The following CDH13 variants were observed in gnomAD, a reference collection of about 807,000 sequenced individuals.
CDH13 encodes the protein cadherin 13.
In CDH13, 24 loss-of-function variants were observed where a neutral mutation model predicts 63.8. The observed-to-expected ratio is 0.38, with a 90% CI of 0.27 to 0.53. CDH13 has a LOEUF of 0.53. CDH13 is among the 20% of genes least tolerant of loss of function. The pLI, the probability that CDH13 is intolerant of heterozygous loss-of-function variation, is 0.85. For missense variants in CDH13, 1,049 were observed against 903.1 expected, an observed-to-expected ratio of 1.16 and a Z score of -2.07; for synonymous variants, 503 against 355.3, an observed-to-expected ratio of 1.42 and a Z score of -4.67.
intron 6 of CDH13, among the ~76,000 whole-genome samples, chr16:83,461,794 A>G (rs1203258837): frequency 6.6e-6 from 1 of 152,200 alleles, no homozygotes; most frequent in African/African-American, 2.4e-5. Flanking sequence ...AGCTCATCGG[A>G]GGGGAATGTA....
chr16:83,572,014 G>A lies in CDH13; in HGVS notation c.961-30440G>A, dbSNP rs149056857. Among the ~76,000 whole-genome samples the A allele has an allele frequency of 6.7e-3, 1,021 of 152,282 alleles. 10 individuals are homozygous for A. Among genetic ancestry groups the A allele is most frequent in the African/African-American group, 0.023 (967 of 41,542 alleles). ...TCATCTATGAAGTGTGTCAGATGGT[G>A]AGGACCATGTCACAGGTTGCGGTGA... is the stretch of plus-strand genomic sequence containing the variant. On this transcript the variant is annotated intron_variant, in intron 7 of 13. Coordinates refer to ENST00000567109, the MANE Select transcript of CDH13 (RefSeq NM_001257.5).
intron 11 of CDH13, among the ~76,000 whole-genome samples, chr16:83,771,184 C>G (rs1914736914): frequency 1.3e-5 from 2 of 152,078 alleles, no homozygotes; most frequent in African/African-American, 4.8e-5. Flanking sequence ...TTTTATTAAT[C>G]ATATTACCCT....
chr16:83,420,069 A>G (rs1008086506), intron 6 of CDH13, among the ~76,000 whole-genome samples: 1 of 152,176 alleles, frequency 6.6e-6, no homozygotes, highest in Non-Finnish European at 1.5e-5. Flanking sequence ...AATAGAGGGC[A>G]AAGAATTTCC....
chr16:83,132,695 G>A (rs72800203), intron 4 of CDH13, among the ~76,000 whole-genome samples: 24,923 of 151,886 alleles, frequency 0.16, 2,293 homozygotes, highest in Middle Eastern at 0.26. Context: ...CCCAAAGGGT[G>A]GGGATTACAA....
Position 83,095,802 on chromosome 16 carries a change from G to T in CDH13, c.367-29583G>T, listed in dbSNP as rs575098038. Among the ~76,000 whole-genome samples the T allele has an allele frequency of 3.9e-5, 6 of 152,292 alleles. No homozygotes were observed. The East Asian group carries it at 1.2e-3, about 29-fold the overall frequency. ...GACTCTATGATTCTCACTGTGGAAT[G>T]AACCACATAGACTCCAGAATGTGTC... On this transcript the variant is annotated intron_variant, in intron 3 of 13. Transcript: ENST00000567109.
chr16:82,704,536 C>G (rs1197257954), intron 1 of CDH13, among the ~76,000 whole-genome samples: 2 of 152,184 alleles, frequency 1.3e-5, no homozygotes, highest in African/African-American at 2.4e-5. Context: ...ACAGGCAAAT[C>G]AATAACCACA....
In CDH13 at chr16:82,735,537, C is replaced by G. The variant is rs936630171; in HGVS notation, c.45+108400C>G. Among the ~76,000 whole-genome samples the G allele has an allele frequency of 3.3e-5, 5 of 152,302 alleles. 1 individual carries two copies. Among genetic ancestry groups the G allele is most frequent in the Admixed American group, 3.3e-4 (5 of 15,294 alleles). The stretch of plus-strand genomic sequence containing the variant: ...AGTGGGCAAATCAAGAAATTGTATT[C>G]CATAATTTGTTTCCAATCTGACAGA... On this transcript the variant is annotated intron_variant, in intron 1 of 13. Coordinates refer to ENST00000567109, the MANE Select transcript of CDH13 (RefSeq NM_001257.5).
chr16:83,417,002 A>G (rs911385803), intron 6 of CDH13, among the ~76,000 whole-genome samples: 2 of 152,208 alleles, frequency 1.3e-5, no homozygotes, highest in Admixed American at 1.3e-4. Flanking sequence ...AAAATCAGTA[A>G]TATTATTGAC....
chr16:83,337,618 C>T (rs964372094), intron 5 of CDH13, among the ~76,000 whole-genome samples: 2 of 98,560 alleles, frequency 2.0e-5, no homozygotes, highest in South Asian at 3.5e-4. Context: ...AATTGACAAG[C>T]GTATTTTTTT....
At chr16:83,381,840 C>G (rs149189892) in intron 6 of CDH13, among the ~76,000 whole-genome samples, 92 of 152,242 alleles carry the variant, frequency 6.0e-4, no homozygotes, top group African/African-American at 2.1e-3. Flanking sequence ...AGACTGAAGT[C>G]TAACAAGTTG....
At chr16:83,738,214 CA>C (rs1212178481) in intron 10 of CDH13, among the ~76,000 whole-genome samples, 2 of 152,118 alleles carry the variant, frequency 1.3e-5, no homozygotes, top group African/African-American at 4.8e-5. Context: ...GTGTAAGTTC[CA>C]AAAACTGGAG....
At chr16:82,643,133 G>A (rs1909625014) in intron 1 of CDH13, among the ~76,000 whole-genome samples, 1 of 152,218 alleles carries the variant, frequency 6.6e-6, no homozygotes, top group Admixed American at 6.5e-5. Context: ...GATAGTGGTG[G>A]TGATTACATT....
In CDH13 at chr16:83,500,207, A is replaced by C. The variant is rs2074238720; in HGVS notation, c.960+13552A>C. ...GGGTCAAGCAACACTATCACATTTG[A>C]ATTCAGACACTAGTTTCTTTCTTCT... On this transcript the variant is annotated intron_variant, in intron 7 of 13. Transcript: ENST00000567109. 1.3e-5 allele frequency among the ~76,000 whole-genome samples: 2 copies of C among 148,410 alleles called. 1 individual carries two copies. Among genetic ancestry groups the C allele is most frequent in the Non-Finnish European group, 3.0e-5 (2 of 66,902 alleles).
chr16:83,559,203 A>C (rs774483604), intron 7 of CDH13, among the ~76,000 whole-genome samples: 1 of 152,184 alleles, frequency 6.6e-6, no homozygotes, highest in Non-Finnish European at 1.5e-5. Context: ...AGTGAATAAT[A>C]ATGTTGTGAG....
chr16:83,409,763 G>C (rs1043350754), intron 6 of CDH13, among the ~76,000 whole-genome samples: 1 of 152,144 alleles, frequency 6.6e-6, no homozygotes, highest in East Asian at 1.9e-4. Context: ...ATGTTGAGTG[G>C]TACAATCCAT....
Position 83,475,046 on chromosome 16 carries a change from C to A in CDH13, c.782-11431C>A, listed in dbSNP as rs1272597625. Among the ~76,000 whole-genome samples, 3 of 152,246 alleles carry A rather than the reference C, an allele frequency of 2.0e-5. No homozygotes were observed. The South Asian group carries it at 6.2e-4, about 32-fold the overall frequency. ...TTCCCAGGCCTTCCGCCATCTGGCT[C>A]CTGGCTCTTGACCACGACTGGCTGC... On this transcript the variant is annotated intron_variant, in intron 6 of 13. Coordinates refer to ENST00000567109, the MANE Select transcript of CDH13 (RefSeq NM_001257.5).
intron 7 of CDH13, among the ~76,000 whole-genome samples, chr16:83,576,897 C>G (rs1270916690): frequency 6.6e-6 from 1 of 152,036 alleles, no homozygotes; most frequent in African/African-American, 2.4e-5. Context: ...GATAGTAGAC[C>G]CTTATCAGAT....
chr16:82,831,206 C>T (rs2038526309), intron 1 of CDH13, among the ~76,000 whole-genome samples: 1 of 152,130 alleles, frequency 6.6e-6, no homozygotes, highest in Non-Finnish European at 1.5e-5. Flanking sequence ...ATTTGAGAAG[C>T]ATTAATCCAG....
At chr16:83,423,262 C>G (rs896471946) in intron 6 of CDH13, among the ~76,000 whole-genome samples, 1 of 152,134 alleles carries the variant, frequency 6.6e-6, no homozygotes, top group African/African-American at 2.4e-5. Context: ...CATGACATGT[C>G]AACACTCACC....
Sources: gnomAD v4.1 joint callset for allele counts (sites outside exome capture counted in the v4.1 genomes callset) on GRCh38, gnomAD v4.1.1 for gene constraint, MANE v1.5 for transcripts, NCBI Gene and HGNC (gene_info 2026-07-23, HGNC 2026-07-21) for gene names.